Variants in CPNE4 observed in about 807,000 individuals in gnomAD.
CPNE4 encodes copine 4.
In CPNE4, 25 loss-of-function variants were observed where a neutral mutation model predicts 67.9. The observed-to-expected ratio is 0.37, with a 90% CI of 0.27 to 0.51. The LOEUF (loss-of-function observed/expected upper bound fraction) is 0.51. CPNE4 is among the 20% of genes least tolerant of loss of function. The pLI is 0.93. For synonymous variants in CPNE4, 242 were observed against 244.9 expected (o/e 0.99, Z 0.11); for missense variants, 464 against 690.8 (o/e 0.67, Z 3.68).
At position 131,905,282 on chromosome 3, in the gene CPNE4, A is replaced by G. The variant is rs200913160; in HGVS notation, c.162T>C (p.Ser54=). 6.2e-7 allele frequency: 1 copy of G among 1,613,306 alleles called. No homozygotes were observed. Among genetic ancestry groups the G allele is most frequent in the African/African-American group, 1.3e-5 (1 of 74,978 alleles). The change falls in exon 2 of 16, where the codon TCT becomes TCC. Residue 54 remains serine (S), a synonymous_variant. Transcript: ENST00000429747. ...PDPCVILKMQ[S]HGQWFEVDRT... ...TGCCTACCTCAAACCACTGCCCATG[A>G]GACTGCATCTTGAGGATGACACAGG... is the stretch of plus-strand genomic sequence containing the variant.
intron 3 of CPNE4, among the ~76,000 whole-genome samples, chr3:131,721,994 G>A (rs941317745): frequency 4.6e-5 from 7 of 152,072 alleles, no homozygotes; most frequent in African/African-American, 7.2e-5. Context: ...CCCCTCAACT[G>A]TATTTCAGTA....
intron 2 of CPNE4, among the ~76,000 whole-genome samples, chr3:131,850,151 T>A (rs2086179096): frequency 6.6e-6 from 1 of 151,996 alleles, no homozygotes; most frequent in Non-Finnish European, 1.5e-5. Flanking sequence ...CATTTTTAAA[T>A]TTTTTTTGCC....
chr3:131,756,965 A>G (rs1448163566), intron 2 of CPNE4, among the ~76,000 whole-genome samples: 1 of 152,168 alleles, frequency 6.6e-6, no homozygotes, highest in African/African-American at 2.4e-5. Context: ...ACTGCCATGG[A>G]AGAAGTGCCT....
At chr3:131,797,251 A>AATATTTTCT (rs2083943557) in intron 2 of CPNE4, among the ~76,000 whole-genome samples, 3 of 152,196 alleles carry the variant, frequency 2.0e-5, no homozygotes. Flanking sequence ...TCTCAGATTT[A>AATATTTTCT]ATATTTTCTG....
At chr3:131,562,997 A>C (rs1216129778) in intron 11 of CPNE4, among the ~76,000 whole-genome samples, 1 of 152,038 alleles carries the variant, frequency 6.6e-6, no homozygotes, top group African/African-American at 2.4e-5. Flanking sequence ...GCTTTGTACT[A>C]CATTTGAGTT....
At chr3:131,916,919 A>G (rs1255269370) in intron 1 of CPNE4, among the ~76,000 whole-genome samples, 1 of 152,192 alleles carries the variant, frequency 6.6e-6, no homozygotes, top group African/African-American at 2.4e-5. Context: ...CTTTTATAAG[A>G]TAAGTCTGTC....
intron 2 of CPNE4, among the ~76,000 whole-genome samples, chr3:131,756,313 G>T (rs1206364582): frequency 6.6e-6 from 1 of 152,128 alleles, no homozygotes; most frequent in Non-Finnish European, 1.5e-5. Flanking sequence ...ATTTGTTATT[G>T]TTAGCTCAGA....
chr3:131,696,639 G>A (rs1414441061), intron 4 of CPNE4, 23 bp from the exon 5 acceptor site: 6 of 1,608,642 alleles, frequency 3.7e-6, no homozygotes, highest in Non-Finnish European at 5.1e-6. Context: ...GCACACATCA[G>A]CTGCAATAGA....
chr3:131,716,193 G>A (rs2081681263), intron 3 of CPNE4, among the ~76,000 whole-genome samples: 1 of 152,124 alleles, frequency 6.6e-6, no homozygotes, highest in Admixed American at 6.5e-5. Context: ...ACAAGGCTGA[G>A]TGAGAATGTG....
At chr3:131,587,643 G>A in intron 7 of CPNE4, 61 bp from the exon 8 acceptor site, 4 of 1,223,338 alleles carry the variant, frequency 3.3e-6, no homozygotes, top group Non-Finnish European at 4.8e-6. Flanking sequence ...GCAGCTGAAG[G>A]CAATGTTAAC....
At chr3:131,630,479 T>C (rs1201695539) in intron 7 of CPNE4, among the ~76,000 whole-genome samples, 3 of 152,234 alleles carry the variant, frequency 2.0e-5, no homozygotes, top group Non-Finnish European at 4.4e-5. Flanking sequence ...AAGTTAGTCA[T>C]TTCTCAAGTG....
chr3:131,737,658 A>G (rs1050258620), intron 2 of CPNE4, among the ~76,000 whole-genome samples: 2 of 152,204 alleles, frequency 1.3e-5, no homozygotes, highest in African/African-American at 4.8e-5. Context: ...TCAAGCGTTT[A>G]TCATGAGCTC....
At chr3:131,635,387 G>C (rs2079351410) in intron 7 of CPNE4, among the ~76,000 whole-genome samples, 1 of 152,100 alleles carries the variant, frequency 6.6e-6, no homozygotes, top group Non-Finnish European at 1.5e-5. Flanking sequence ...CTATTCAAAA[G>C]TATACAATTA....
intron 7 of CPNE4, among the ~76,000 whole-genome samples, chr3:131,645,945 C>A (rs12638162): frequency 0.17 from 25,635 of 152,094 alleles, 2,946 homozygotes; most frequent in African/African-American, 0.33. Flanking sequence ...GCTCAGGAGG[C>A]TCAAGAAACT....
chr3:131,733,890 C>A (rs1010066898), intron 2 of CPNE4, among the ~76,000 whole-genome samples: 1 of 152,190 alleles, frequency 6.6e-6, no homozygotes, highest in Non-Finnish European at 1.5e-5. Flanking sequence ...AACTCATCTG[C>A]GGGATGCTGC....
At chr3:131,802,870 G>T (rs2084180674) in intron 2 of CPNE4, among the ~76,000 whole-genome samples, 2 of 152,140 alleles carry the variant, frequency 1.3e-5, no homozygotes, top group Non-Finnish European at 2.9e-5. Context: ...ATAAAGCAAA[G>T]CTGAAAGTCA....
intron 8 of CPNE4, among the ~76,000 whole-genome samples, chr3:131,585,283 G>C (rs1411561316): frequency 6.6e-6 from 1 of 152,178 alleles, no homozygotes; most frequent in Non-Finnish European, 1.5e-5. Context: ...GTAAGCTTCA[G>C]AAGGGCAGGG....
At chr3:131,801,415 C>CGTGTGTAT (rs1491403261) in intron 2 of CPNE4, among the ~76,000 whole-genome samples, 4,733 of 64,446 alleles carry the variant, frequency 0.073, 167 homozygotes, top group Admixed American at 0.13. Flanking sequence ...TACATATATA[C>CGTGTGTAT]GTGTGTGTGT....
At chr3:131,813,850 C>T (rs984037316) in intron 2 of CPNE4, among the ~76,000 whole-genome samples, 2 of 152,092 alleles carry the variant, frequency 1.3e-5, no homozygotes, top group Non-Finnish European at 2.9e-5. Flanking sequence ...CTTAATTATA[C>T]CAGACATGAT....
Sources: allele counts gnomAD v4.1 joint callset (sites outside exome capture counted in the v4.1 genomes callset), GRCh38; gene constraint gnomAD v4.1.1; transcripts MANE v1.5; gene names NCBI Gene and HGNC (gene_info 2026-07-23, HGNC 2026-07-21).